Variants in HTR3B observed in about 807,000 individuals in gnomAD.
HTR3B encodes 5-hydroxytryptamine receptor 3B.
A neutral mutation model predicts 42.8 loss-of-function variants in HTR3B; 44 were observed. The ratio of observed to expected loss-of-function variants is 1.03; its 90% confidence interval spans 0.81 to 1.32. The LOEUF (loss-of-function observed/expected upper bound fraction) is 1.32, where lower values mean the gene tolerates loss of function less well. HTR3B is among the 40% of genes most tolerant of loss of function. The probability of loss-of-function intolerance (pLI) is 0.00; values close to 1 mark genes in which losing one functional copy is unlikely to be tolerated. For synonymous variants in HTR3B, 203 were observed against 209.0 expected, an observed-to-expected ratio of 0.97 and a Z score of 0.25; for missense variants, 527 against 536.5, an observed-to-expected ratio of 0.98 and a Z score of 0.17.
rs1950199014 is a variant in HTR3B, at chr11:113,948,847, G to T, written c.*2710G>T. 7.0e-6 allele frequency among the ~76,000 whole-genome samples: 1 copy of T among 143,694 alleles called. No homozygotes were observed. Among genetic ancestry groups the T allele is most frequent in the South Asian group, 2.3e-4 (1 of 4,274 alleles). 94.3% of individuals were successfully genotyped at this position (143,694 alleles called of 152,430 possible). ...CATTGCACTCCAGCCCGGGCAACAA[G>T]AGCTAAACTCTATCTCAAAAAAAAA... On this transcript the variant is annotated 3_prime_UTR_variant, in exon 9 of 9. Transcript: ENST00000260191.
upstream of HTR3B, among the ~76,000 whole-genome samples, chr11:113,901,122 G>A (rs1368601568): frequency 6.6e-6 from 1 of 152,064 alleles, no homozygotes; most frequent in South Asian, 2.1e-4. Context: ...TGAAGGGTGG[G>A]GAGAGGAGCA....
At chr11:113,899,556 C>T in the HTR3B span, among the ~76,000 whole-genome samples, 24 of 152,256 alleles carry the variant, frequency 1.6e-4, no homozygotes, top group Non-Finnish European at 3.1e-4. Context: ...CTTCAAAGAA[C>T]TTTGTTGGAG....
chr11:113,921,573 C>T (rs991098049), intron 2 of HTR3B, among the ~76,000 whole-genome samples: 13 of 150,694 alleles, frequency 8.6e-5, no homozygotes, highest in East Asian at 3.9e-4. Flanking sequence ...GAGCTGAGAT[C>T]GCTCCACTGC....
At position 113,948,450 on chromosome 11, in the gene HTR3B, T is replaced by C. The variant is rs1394517549; in HGVS notation, c.*2313T>C. Among the ~76,000 whole-genome samples the C allele has an allele frequency of 6.6e-6, 1 of 152,270 alleles. No individual in the cohort carries two copies. The highest frequency in any genetic ancestry group is 1.5e-5 in the Non-Finnish European group (1 of 68,048). ...TGCCATTACCTAGCCAGGGGACCTC[T>C]GTGAGCTTAACTTCTCAGACTTCAA... On this transcript the variant is annotated 3_prime_UTR_variant, in exon 9 of 9. Coordinates refer to ENST00000260191, the MANE Select transcript of HTR3B (RefSeq NM_006028.5).
chr11:113,945,565 A>G (rs1295289678), intron 8 of HTR3B, among the ~76,000 whole-genome samples: 1 of 152,222 alleles, frequency 6.6e-6, no homozygotes, highest in Non-Finnish European at 1.5e-5. Flanking sequence ...TTTAGGTTCT[A>G]GTTGCTTAAT....
intron 2 of HTR3B, among the ~76,000 whole-genome samples, chr11:113,927,752 G>A (rs565022244): frequency 2.6e-5 from 4 of 151,982 alleles, no homozygotes; most frequent in African/African-American, 9.6e-5. Flanking sequence ...TAGTGGAGAC[G>A]GGGTTTCATG....
Position 113,949,077 on chromosome 11 carries a change from A to G in HTR3B, c.*2940A>G, listed in dbSNP as rs1320939316. Among the ~76,000 whole-genome samples the G allele has an allele frequency of 6.6e-6, 1 of 152,228 alleles. No homozygotes were observed. Among genetic ancestry groups the G allele is most frequent in the African/African-American group, 2.4e-5 (1 of 41,454 alleles). ...TAAAGATAAGACCTGCTTGCTATCA[A>G]CAGATGGACTCCAGTCTTGAGTTTT... On this transcript the variant is annotated 3_prime_UTR_variant, in exon 9 of 9. Coordinates refer to ENST00000260191, the MANE Select transcript of HTR3B (RefSeq NM_006028.5).
chr11:113,933,238 C>G (rs1365590759), intron 6 of HTR3B, 145 bp downstream of exon 6: 16 of 748,298 alleles, frequency 2.1e-5, no homozygotes, highest in Non-Finnish European at 3.3e-5. Flanking sequence ...GAGCATCCAC[C>G]TGCATTCCAG....
At chr11:113,942,339 C>T (rs965774356) in intron 6 of HTR3B, among the ~76,000 whole-genome samples, 2 of 152,224 alleles carry the variant, frequency 1.3e-5, no homozygotes, top group Non-Finnish European at 2.9e-5. Context: ...TGGCACTCAC[C>T]TGTAGTCCCA....
rs368018216 is a variant in HTR3B, at chr11:113,918,341, A to G, written c.213+8886A>G. Among the ~76,000 whole-genome samples, 10 of 151,632 alleles carry G rather than the reference A, an allele frequency of 6.6e-5. No individual in the cohort carries two copies. The South Asian group carries it at 1.0e-3, about 16-fold the overall frequency. On this transcript the variant is annotated intron_variant, in intron 2 of 8. Coordinates refer to ENST00000260191, the MANE Select transcript of HTR3B (RefSeq NM_006028.5). The stretch of plus-strand genomic sequence containing the variant: ...ACATGTGTAGCTTTTTGTAATCAGC[A>G]CCACAATCAAAGTACATAATTGTAT...
chr11:113,923,214 C>G (rs140967522), intron 2 of HTR3B, among the ~76,000 whole-genome samples: 1 of 152,304 alleles, frequency 6.6e-6, no homozygotes, highest in Non-Finnish European at 1.5e-5. Context: ...ACACTCCCAA[C>G]GTGAATAGAT....
upstream of HTR3B, among the ~76,000 whole-genome samples, chr11:113,903,988 G>T (rs183966020): frequency 6.6e-6 from 1 of 152,072 alleles, no homozygotes. Context: ...CCCCCCTTCG[G>T]TTGGCTCTGT....
chr11:113,945,355 G>A (rs945962448), intron 8 of HTR3B, among the ~76,000 whole-genome samples: 4 of 152,100 alleles, frequency 2.6e-5, no homozygotes, highest in Non-Finnish European at 5.9e-5. Flanking sequence ...GGCTGGTCTC[G>A]AACTCCTGAC....
In HTR3B at chr11:113,948,546, G is replaced by T. The variant is rs1237867749; in HGVS notation, c.*2409G>T. Among the ~76,000 whole-genome samples, 1 of 152,094 alleles carries T rather than the reference G, an allele frequency of 6.6e-6. No homozygotes were observed. The highest frequency in any genetic ancestry group is 1.5e-5 in the Non-Finnish European group (1 of 67,996). On this transcript the variant is annotated 3_prime_UTR_variant, in exon 9 of 9. Coordinates refer to ENST00000260191, the MANE Select transcript of HTR3B (RefSeq NM_006028.5). ...ATCAAAGAGTTATGAGGATCAAAAT[G>T]AAAAAATGTATTGAACAATGCTTTG... is the stretch of plus-strand genomic sequence containing the variant.
Position 113,946,323 on chromosome 11 carries a change from A to G in HTR3B, c.*186A>G, listed in dbSNP as rs1950179700. The G allele has an allele frequency of 1.9e-6, 1 of 522,810 alleles. No homozygotes were observed. The highest frequency in any genetic ancestry group is 3.4e-6 in the Non-Finnish European group (1 of 293,276). 32.4% of individuals were successfully genotyped at this position (522,810 alleles called of 1,614,324 possible). A position where few individuals can be genotyped will look rare whatever the true frequency, so the allele number is the denominator to read the frequency against. ...CGAGACCAGCCAGAGCAACATAGTG[A>G]GACCACATCTCTACCAGTAAATAAA... On this transcript the variant is annotated 3_prime_UTR_variant, in exon 9 of 9. Transcript: ENST00000260191.
rs1949894533 is a variant in HTR3B at position 113,919,809 on chromosome 11, C to A, written c.213+10354C>A. Among the ~76,000 whole-genome samples the A allele has an allele frequency of 2.0e-5, 3 of 151,228 alleles. No individual in the cohort carries two copies. The South Asian group carries it at 6.3e-4, about 32-fold the overall frequency. The stretch of plus-strand genomic sequence containing the variant: ...CACCATTGCACTCCAGCCTGGGCAA[C>A]AAGAGCAAAACTCCATCTCAAAACA... On this transcript the variant is annotated intron_variant, in intron 2 of 8. Coordinates refer to ENST00000260191, the MANE Select transcript of HTR3B (RefSeq NM_006028.5).
intron 2 of HTR3B, among the ~76,000 whole-genome samples, chr11:113,921,439 C>T (rs999960438): frequency 1.4e-4 from 21 of 152,170 alleles, no homozygotes; most frequent in South Asian, 8.3e-4. Flanking sequence ...CCACTGCACC[C>T]GGCCCCTTCG....
At chr11:113,902,866 T>C (rs1949705023), upstream of HTR3B, among the ~76,000 whole-genome samples, 1 of 151,694 alleles carries the variant, frequency 6.6e-6, no homozygotes, top group South Asian at 2.1e-4. Flanking sequence ...GGCACTTTTG[T>C]GTGTGTGTGT....
At position 113,932,318 on chromosome 11, in the gene HTR3B, C is replaced by T. The variant is rs1343197433; in HGVS notation, c.398C>T (p.Pro133Leu). 4 of 1,613,150 alleles carry T rather than the reference C, an allele frequency of 2.5e-6. No homozygotes were observed. The highest frequency in any genetic ancestry group is 3.4e-6 in the Non-Finnish European group (4 of 1,179,400). Residue 133 changes from proline (P) to leucine (L), a missense_variant, in exon 5 of 9, where the codon CCC becomes CTC. Coordinates refer to ENST00000260191, the MANE Select transcript of HTR3B (RefSeq NM_006028.5). ...FVDIERYPDL[P>L]YVYVNSSGTI... ...GACATTGAAAGATACCCTGACCTTCCCTATGTTTATGTGAACTCATCTGGG... is the reference window on the plus strand; with the variant it reads ...GACATTGAAAGATACCCTGACCTTCTCTATGTTTATGTGAACTCATCTGGG...
Sources: allele counts gnomAD v4.1 joint callset (sites outside exome capture counted in the v4.1 genomes callset), GRCh38; gene constraint gnomAD v4.1.1; transcripts MANE v1.5; gene names NCBI Gene and HGNC (gene_info 2026-07-23, HGNC 2026-07-21).